Variants in ZSCAN25 observed in about 807,000 individuals in gnomAD.
The protein encoded by ZSCAN25 is zinc finger and SCAN domain containing 25.
ZSCAN25 carries 27 observed loss-of-function variants against 38.7 expected under a neutral mutation model. The observed-to-expected ratio is 0.70, with a 90% confidence interval of 0.51 to 0.96. The LOEUF (loss-of-function observed/expected upper bound fraction) is 0.96. Among genes scored for constraint, ZSCAN25 ranks in the 40% least tolerant of loss-of-function variants. The pLI is 0.00. For synonymous variants in ZSCAN25, 273 were observed against 277.7 expected, an observed-to-expected ratio of 0.98 and a Z score of 0.17; for missense variants, 637 against 705.9, an observed-to-expected ratio of 0.90 and a Z score of 1.11.
At chr7:99,688,393 T>G in the ZSCAN25 span, among the ~76,000 whole-genome samples, 1 of 152,026 alleles carries the variant, frequency 6.6e-6, no homozygotes, top group Non-Finnish European at 1.5e-5. Context: ...TAAAACAGAC[T>G]TTAAACCAAC....
the ZSCAN25 span, among the ~76,000 whole-genome samples, chr7:99,723,452 C>T: frequency 6.6e-6 from 1 of 152,174 alleles, no homozygotes; most frequent in Non-Finnish European, 1.5e-5. Context: ...ATAAAACTGA[C>T]CCACCCCTAT....
At chr7:99,720,470 CA>C in the ZSCAN25 span, 1 of 1,598,124 alleles carries the variant, frequency 6.3e-7, no homozygotes, top group Non-Finnish European at 8.6e-7. Context: ...CAGCTGGAGC[CA>C]AACCCAGGAA....
downstream of ZSCAN25, among the ~76,000 whole-genome samples, chr7:99,632,984 C>T (rs1396366531): frequency 7.4e-6 from 1 of 135,768 alleles, no homozygotes; most frequent in African/African-American, 3.0e-5. Context: ...TCTGCATTTT[C>T]TGTTGTTTTT....
At chr7:99,656,067 T>A in the ZSCAN25 span, among the ~76,000 whole-genome samples, 1 of 152,158 alleles carries the variant, frequency 6.6e-6, no homozygotes, top group Non-Finnish European at 1.5e-5. Context: ...TGAATACCCT[T>A]TATTTCTTTC....
chr7:99,667,124 CA>C, the ZSCAN25 span: 1 of 1,484,236 alleles, frequency 6.7e-7, no homozygotes, highest in Admixed American at 1.8e-5. Flanking sequence ...CATGGTTGCA[CA>C]AAATATATTG....
chr7:99,624,071 T>G lies in ZSCAN25; in HGVS notation c.696T>G (p.Phe232Leu). 6.2e-7 allele frequency: 1 copy of G among 1,614,186 alleles called. No homozygotes were observed. Among genetic ancestry groups the G allele is most frequent in the Non-Finnish European group, 8.5e-7 (1 of 1,180,036 alleles). The part of the protein sequence containing the change: ...FTAGSQGLGP[F>L]KDMALAFPEE... ...TATTGTTGCAGGGGTTGGGGCCATT[T>G]AAAGATATGGCCCTGGCCTTCCCTG... Residue 232 changes from phenylalanine (F) to leucine (L), a missense_variant, in exon 7 of 8, where the codon TTT (phenylalanine) becomes TTG (leucine). By Grantham distance (22) the Phe-to-Leu change is conservative. Coordinates refer to ENST00000394152, the MANE Select transcript of ZSCAN25 (RefSeq NM_145115.3).
chr7:99,712,204 T>C, the ZSCAN25 span, among the ~76,000 whole-genome samples: 1 of 152,154 alleles, frequency 6.6e-6, no homozygotes. Flanking sequence ...TCCAACCATG[T>C]AACTCACCAC....
At chr7:99,713,140 C>G in the ZSCAN25 span, among the ~76,000 whole-genome samples, 2 of 152,080 alleles carry the variant, frequency 1.3e-5, no homozygotes, top group Non-Finnish European at 2.9e-5. Flanking sequence ...TTGCAGAAAC[C>G]TAATAAATTT....
chr7:99,656,938 C>A, the ZSCAN25 span, among the ~76,000 whole-genome samples: 2 of 152,126 alleles, frequency 1.3e-5, no homozygotes, highest in African/African-American at 4.8e-5. Context: ...TCCCCTTTAT[C>A]ATTTTTATTG....
rs1562974286 is a variant in ZSCAN25, at chr7:99,632,050, G to A, written c.*2030G>A. 1.0e-6 allele frequency: 1 copy of A among 985,466 alleles called. No homozygotes were observed. The highest frequency in any genetic ancestry group is 1.2e-6 in the Non-Finnish European group (1 of 829,972). 61.0% of individuals were successfully genotyped at this position (985,466 alleles called of 1,614,324 possible). On this transcript the variant is annotated 3_prime_UTR_variant, in exon 8 of 8. Coordinates refer to ENST00000394152, the MANE Select transcript of ZSCAN25 (RefSeq NM_145115.3). ...CTCGGGGGGCTGCTTGTCATTACCTGAATCACAGATGCTCTTTTGTCATAC... is the reference window on the plus strand; with the variant it reads ...CTCGGGGGGCTGCTTGTCATTACCTAAATCACAGATGCTCTTTTGTCATAC...
chr7:99,684,469 A>G, the ZSCAN25 span, among the ~76,000 whole-genome samples: 1 of 152,288 alleles, frequency 6.6e-6, no homozygotes, highest in Admixed American at 6.5e-5. Flanking sequence ...TGCTTGGTCA[A>G]AAAAGGCATA....
At chr7:99,735,339 C>T in the ZSCAN25 span, 1 of 546,954 alleles carries the variant, frequency 1.8e-6, no homozygotes, top group South Asian at 2.0e-5. Context: ...CACACACACA[C>T]CACTCACTGA....
At chr7:99,700,147 A>T in the ZSCAN25 span, 45 of 720,790 alleles carry the variant, frequency 6.2e-5, no homozygotes, top group Non-Finnish European at 1.1e-4. Context: ...TCTTAGGTCA[A>T]GCTGCTGAAA....
the ZSCAN25 span, among the ~76,000 whole-genome samples, chr7:99,706,512 G>A: frequency 2.0e-5 from 3 of 152,210 alleles, no homozygotes; most frequent in Admixed American, 6.5e-5. Context: ...GCCTGCTTAA[G>A]GTGTGGAGTT....
chr7:99,642,736 G>GT, the ZSCAN25 span, among the ~76,000 whole-genome samples: 1 of 152,070 alleles, frequency 6.6e-6, no homozygotes, highest in African/African-American at 2.4e-5. Flanking sequence ...TTATAAATTT[G>GT]TTTTTGTTTC....
the ZSCAN25 span, chr7:99,660,214 CTTTTTTTTTTTTTT>C: frequency 3.6e-4 from 156 of 429,916 alleles, no homozygotes; most frequent in Middle Eastern, 1.2e-3. Flanking sequence ...CGCCACACTC[CTTTTTTTTTTTTTT>C]TTTTTTTTTT....
the ZSCAN25 span, among the ~76,000 whole-genome samples, chr7:99,649,084 A>C: frequency 6.6e-6 from 1 of 152,178 alleles, no homozygotes; most frequent in Non-Finnish European, 1.5e-5. Context: ...ATCTCAGTTC[A>C]GTGAGGGGAA....
the ZSCAN25 span, chr7:99,717,460 C>A: frequency 6.2e-7 from 1 of 1,601,612 alleles, no homozygotes; most frequent in South Asian, 1.1e-5. Context: ...TCTGATCTTA[C>A]TTTCTACCTG....
At position 99,631,065 on chromosome 7, in the gene ZSCAN25, A is replaced by AG. The variant is rs1807964316; in HGVS notation, c.*1050dup. The AG allele has an allele frequency of 2.0e-6, 2 of 983,436 alleles. No individual in the cohort carries two copies. The highest frequency in any genetic ancestry group is 2.4e-6 in the Non-Finnish European group (2 of 828,102). 60.9% of individuals were successfully genotyped at this position (983,436 alleles called of 1,614,324 possible). Reference sequence around the variant, plus strand: ...CTTGAGACACATCCATGAATAAAATAGGGGGAGAAGCTGTTGACCTCGTAG... The same window carrying AG: ...CTTGAGACACATCCATGAATAAAATAGGGGGGAGAAGCTGTTGACCTCGTAG... On this transcript the variant is annotated 3_prime_UTR_variant, in exon 8 of 8. Transcript: ENST00000394152.
Sources: allele counts gnomAD v4.1 joint callset (sites outside exome capture counted in the v4.1 genomes callset), GRCh38; gene constraint gnomAD v4.1.1; transcripts MANE v1.5; gene names NCBI Gene and HGNC (gene_info 2026-07-23, HGNC 2026-07-21).